ABCC9: variants seen among roughly 807,000 people sequenced by gnomAD.
ABCC9 encodes the protein ATP binding cassette subfamily C member 9.
A neutral mutation model predicts 188.3 loss-of-function variants in ABCC9; 95 were observed. The observed-to-expected ratio is 0.50, with a 90% CI of 0.43 to 0.60. ABCC9 has a LOEUF of 0.60. ABCC9 is among the 20% of genes least tolerant of loss of function. ABCC9 has a pLI of 0.00. For synonymous variants in ABCC9, 659 were observed against 652.7 expected (o/e 1.01, Z -0.15); for missense variants, 1,102 against 1,876.3 (o/e 0.59, Z 7.62).
chr12:21,813,883 A>G (rs1436573362), intron 35 of ABCC9, among the ~76,000 whole-genome samples: 2 of 152,216 alleles, frequency 1.3e-5, no homozygotes, highest in South Asian at 2.1e-4. Flanking sequence ...GCAAAGTACT[A>G]TAGTCATCGT....
intron 8 of ABCC9, 24 bp from the exon 9 acceptor site, chr12:21,911,002 T>TC: frequency 1.9e-6 from 3 of 1,610,960 alleles, no homozygotes; most frequent in Non-Finnish European, 2.5e-6. Context: ...AAAAAAAGTG[T>TC]CATATTAAAA....
At chr12:21,922,988 T>G (rs1948891784) in intron 5 of ABCC9, 2 of 151,392 alleles carry the variant, frequency 1.3e-5, no homozygotes, top group Non-Finnish European at 3.0e-5. Flanking sequence ...AATAGTCATT[T>G]GATTTATTTT....
Position 21,898,278 on chromosome 12 carries a change from T to TTTG in ABCC9, c.1619-2966_1619-2964dup, listed in dbSNP as rs1314143216. ...TGGCTAAGTATACTCTCAATATATC[T>TTTG]TTGTTGTTGTTGTTGTTATTGTTAT... On this transcript the variant is annotated intron_variant, in intron 12 of 39. Coordinates refer to ENST00000261200, the MANE Select transcript of ABCC9 (RefSeq NM_020297.4). Among the ~76,000 whole-genome samples, 4 of 152,220 alleles carry TTTG rather than the reference T, an allele frequency of 2.6e-5. No homozygotes were observed. The East Asian group carries it at 5.8e-4, about 22-fold the overall frequency.
intron 16 of ABCC9, among the ~76,000 whole-genome samples, chr12:21,879,172 G>C (rs181523149): frequency 1.8e-4 from 27 of 152,302 alleles, no homozygotes; most frequent in Admixed American, 3.3e-4. Flanking sequence ...AGAGCACATA[G>C]ACACTTAGGA....
intron 7 of ABCC9, among the ~76,000 whole-genome samples, 181 bp from the exon 8 acceptor site, chr12:21,913,247 G>A (rs867773302): frequency 2.0e-5 from 3 of 152,004 alleles, no homozygotes; most frequent in Admixed American, 6.6e-5. Context: ...TGCCTTCTAC[G>A]AAAATAGTAG....
chr12:21,875,810 C>T (rs1050313667), intron 16 of ABCC9, 84 bp from the exon 17 acceptor site: 39 of 1,128,714 alleles, frequency 3.5e-5, no homozygotes, highest in Non-Finnish European at 4.0e-5. Flanking sequence ...GTAGGCCAGG[C>T]GCAGTGGCTC....
chr12:21,828,257 C>T (rs1943506691), intron 31 of ABCC9: 2 of 153,364 alleles, frequency 1.3e-5, no homozygotes. Flanking sequence ...TACTCCAGCT[C>T]ATTGGCTTAT....
chr12:21,895,820 C>T (rs978125091), intron 12 of ABCC9, among the ~76,000 whole-genome samples: 5 of 152,128 alleles, frequency 3.3e-5, no homozygotes, highest in Non-Finnish European at 7.4e-5. Context: ...GGACTCTCTG[C>T]GTGTCTAAAT....
chr12:21,925,447 A>C (rs1039625687), intron 5 of ABCC9: 7 of 699,474 alleles, frequency 1.0e-5, no homozygotes, highest in African/African-American at 7.0e-5. Context: ...CTAGAAACAT[A>C]CTCTGCTACA....
intron 31 of ABCC9, among the ~76,000 whole-genome samples, chr12:21,818,464 C>A (rs1306966747): frequency 3.0e-5 from 3 of 101,082 alleles, no homozygotes; most frequent in East Asian, 5.5e-4. Flanking sequence ...CTATATATAT[C>A]TATATCTATA....
intron 12 of ABCC9, among the ~76,000 whole-genome samples, chr12:21,900,503 A>G (rs1173851786): frequency 6.6e-6 from 1 of 152,210 alleles, no homozygotes; most frequent in Non-Finnish European, 1.5e-5. Context: ...CAGACGATCA[A>G]ACTTCTCTGA....
At position 21,848,266 on chromosome 12, in the gene ABCC9, A is replaced by G. The variant is rs765741008; in HGVS notation, c.2770-20T>C. The G allele has an allele frequency of 5.0e-6, 8 of 1,601,440 alleles. No individual in the cohort carries two copies. Among genetic ancestry groups the G allele is most frequent in the African/African-American group, 1.3e-5 (1 of 74,734 alleles). ...CATATCCTGCAGTAAACATTGTACT[A>G]TCATGCAAGGAGCTAACACCAATAG... is the stretch of plus-strand genomic sequence containing the variant. On this transcript the variant is annotated intron_variant, in intron 24 of 39. Transcript: ENST00000261200.
intron 14 of ABCC9, among the ~76,000 whole-genome samples, chr12:21,891,955 T>TG (rs1947180746): frequency 6.6e-6 from 1 of 152,154 alleles, no homozygotes; most frequent in South Asian, 2.1e-4. Flanking sequence ...TAGCACACAG[T>TG]GGGAAAAAGG....
chr12:21,893,916 G>A, intron 14 of ABCC9, 116 bp downstream of exon 14: 5 of 1,032,600 alleles, frequency 4.8e-6, no homozygotes, highest in Non-Finnish European at 7.0e-6. Context: ...TTTTAACAAT[G>A]GTTGTCTCCT....
At chr12:21,900,862 C>T (rs1209703096) in intron 12 of ABCC9, among the ~76,000 whole-genome samples, 1 of 152,120 alleles carries the variant, frequency 6.6e-6, no homozygotes, top group Non-Finnish European at 1.5e-5. Flanking sequence ...AGAATGGAAC[C>T]AAGCTAGAAA....
chr12:21,832,334 G>T (rs1453488629), intron 30 of ABCC9, among the ~76,000 whole-genome samples: 1 of 152,134 alleles, frequency 6.6e-6, no homozygotes, highest in Non-Finnish European at 1.5e-5. Flanking sequence ...ACTTTCCAAA[G>T]AGTTCAAGAC....
At chr12:21,893,870 GAAAT>G (rs1480194008) in intron 14 of ABCC9, among the ~76,000 whole-genome samples, 158 bp downstream of exon 14, 1 of 152,074 alleles carries the variant, frequency 6.6e-6, no homozygotes, top group Non-Finnish European at 1.5e-5. Flanking sequence ...ATTTTTACAT[GAAAT>G]AAATAAAAGA....
chr12:21,841,652 C>T (rs922848729), intron 29 of ABCC9, among the ~76,000 whole-genome samples: 3 of 151,902 alleles, frequency 2.0e-5, no homozygotes, highest in Admixed American at 6.6e-5. Context: ...CCACCACGCC[C>T]GGCCTATGTT....
chr12:21,839,060 C>T (rs766250850), intron 29 of ABCC9, among the ~76,000 whole-genome samples: 1 of 152,034 alleles, frequency 6.6e-6, no homozygotes, highest in Non-Finnish European at 1.5e-5. Context: ...TCAGAGCTGT[C>T]GTTTAATCCT....
Sources: allele counts gnomAD v4.1 joint callset (sites outside exome capture counted in the v4.1 genomes callset), GRCh38; gene constraint gnomAD v4.1.1; transcripts MANE v1.5; gene names NCBI Gene and HGNC (gene_info 2026-07-23, HGNC 2026-07-21).